The following IL1RAP variants were observed in gnomAD, a reference collection of about 807,000 sequenced individuals.
IL1RAP encodes the protein interleukin-1 receptor accessory protein.
Under a neutral mutation model 60.7 loss-of-function variants are expected in IL1RAP, and 35 were observed. The observed-to-expected ratio is 0.58, with a 90% CI of 0.44 to 0.76. The LOEUF is 0.76. Among genes scored for constraint, IL1RAP ranks in the 30% least tolerant of loss-of-function variants. The pLI, the probability that IL1RAP is intolerant of heterozygous loss-of-function variation, is 0.00. For missense variants in IL1RAP, 572 were observed against 693.9 expected (o/e 0.82, Z 1.97); for synonymous variants, 268 against 250.9 (o/e 1.07, Z -0.64).
intron 9 of IL1RAP, among the ~76,000 whole-genome samples, chr3:190,630,517 G>T (rs1732694839): frequency 6.6e-6 from 1 of 152,156 alleles, no homozygotes; most frequent in Admixed American, 6.5e-5. Context: ...GAGACTTAAT[G>T]CTTTTTTAAA....
At chr3:190,614,186 A>C (rs1004815180) in intron 5 of IL1RAP, among the ~76,000 whole-genome samples, 2 of 150,488 alleles carry the variant, frequency 1.3e-5, no homozygotes, top group Non-Finnish European at 3.0e-5. Flanking sequence ...ATCCTCATAG[A>C]CTTATTTGCA....
chr3:190,650,975 AT>A lies in IL1RAP; in HGVS notation c.*2271del. The A allele has an allele frequency of 3.0e-6, 3 of 985,306 alleles. No individual in the cohort carries two copies. The Middle Eastern group carries it at 1.6e-3, about 515-fold the overall frequency. The allele number at this position is 985,306 out of a possible 1,614,324, so 61.0% of individuals were successfully genotyped here. ...AAATACCTTGATGTTTTTTCTATTTATATGCCTGCCTTTGGTACTTAATTTT... is the reference window on the plus strand; with the variant it reads ...AAATACCTTGATGTTTTTTCTATTTAATGCCTGCCTTTGGTACTTAATTTT... On this transcript the variant is annotated 3_prime_UTR_variant, in exon 12 of 12. Transcript: ENST00000447382.
chr3:190,593,683 T>C (rs1729136501), intron 3 of IL1RAP, among the ~76,000 whole-genome samples: 1 of 152,100 alleles, frequency 6.6e-6, no homozygotes. Context: ...CGTATTCATA[T>C]TATGAGAACA....
intron 5 of IL1RAP, among the ~76,000 whole-genome samples, chr3:190,611,283 AATT>A (rs1234030693): frequency 1.3e-5 from 2 of 152,178 alleles, no homozygotes; most frequent in Non-Finnish European, 2.9e-5. Flanking sequence ...CATATTACCA[AATT>A]AATTAAACCT....
intron 1 of IL1RAP, among the ~76,000 whole-genome samples, chr3:190,517,166 G>A (rs1451808018): frequency 6.6e-6 from 1 of 152,124 alleles, no homozygotes; most frequent in Non-Finnish European, 1.5e-5. Context: ...TTAAAGCAAT[G>A]GTCTCTAAGA....
chr3:190,541,417 T>C (rs1415797450), intron 1 of IL1RAP, among the ~76,000 whole-genome samples: 1 of 152,170 alleles, frequency 6.6e-6, no homozygotes, highest in Admixed American at 6.5e-5. Flanking sequence ...ACAAGAATTA[T>C]GCTTCTTAGT....
rs780957007 is a variant in IL1RAP, at chr3:190,648,405, C to T, written c.1413C>T (p.Asn471=). The T allele has an allele frequency of 4.0e-5, 64 of 1,613,688 alleles. No homozygotes were observed. The highest frequency in any genetic ancestry group is 5.3e-5 in the Non-Finnish European group (62 of 1,179,918). ...GCCTCCTGGTTGTTCTAAGCCCCAA[C>T]TACGTGCTCCAGGGAACCCAAGCCC... The part of the protein sequence containing the change: ...SRRLLVVLSP[N]YVLQGTQALL... The change falls in exon 12 of 12, where the codon AAC becomes AAT. Residue 471 remains asparagine (N), a synonymous_variant. Coordinates refer to ENST00000447382, the MANE Select transcript of IL1RAP (RefSeq NM_002182.4).
chr3:190,647,080 C>T (rs1734065355), intron 11 of IL1RAP, among the ~76,000 whole-genome samples: 2 of 152,320 alleles, frequency 1.3e-5, no homozygotes, highest in South Asian at 4.1e-4. Context: ...CATAATTACT[C>T]TTGCATCTTG....
chr3:190,594,821 G>A (rs1176111178), intron 3 of IL1RAP, among the ~76,000 whole-genome samples: 1 of 152,166 alleles, frequency 6.6e-6, no homozygotes, highest in Non-Finnish European at 1.5e-5. Flanking sequence ...ACCAGTACAT[G>A]TATGGACATT....
chr3:190,637,830 A>G (rs1733343973), intron 9 of IL1RAP, among the ~76,000 whole-genome samples: 1 of 150,750 alleles, frequency 6.6e-6, no homozygotes, highest in Admixed American at 6.6e-5. Context: ...CTTTTTTAGA[A>G]TAGTTTTTTT....
intron 1 of IL1RAP, among the ~76,000 whole-genome samples, chr3:190,531,564 C>T (rs373364440): frequency 1.3e-5 from 2 of 152,318 alleles, no homozygotes; most frequent in East Asian, 3.9e-4. Flanking sequence ...CCGGCACATA[C>T]TCCTGAATGT....
intron 5 of IL1RAP, among the ~76,000 whole-genome samples, chr3:190,613,787 C>T (rs760222480): frequency 1.9e-4 from 29 of 151,678 alleles, no homozygotes; most frequent in Non-Finnish European, 2.4e-4. Context: ...GAGCTGAGAT[C>T]GTGCCACTGC....
rs1167445179 is a variant in IL1RAP, at chr3:190,634,707, G to GTTTTTTTTTTTTTTTTTTTTT, written c.1051+5220_1051+5221insTTTTTTTTTTTTTTTTTTTTT. Among the ~76,000 whole-genome samples, 36 of 134,694 alleles carry GTTTTTTTTTTTTTTTTTTTTT rather than the reference G, an allele frequency of 2.7e-4. 3 individuals carry two copies. Among genetic ancestry groups the GTTTTTTTTTTTTTTTTTTTTT allele is most frequent in the Middle Eastern group, 4.2e-3 (1 of 240 alleles). 88.4% of individuals were successfully genotyped at this position (134,694 alleles called of 152,430 possible). A position where few individuals can be genotyped will look rare whatever the true frequency, so the allele number is the denominator to read the frequency against. Reference sequence around the variant, plus strand: ...TCATATAACTATCTGGGCCTGTTGTGTTTTTTTTTTTGTTGTTGTTTTTTT... The same window carrying GTTTTTTTTTTTTTTTTTTTTT: ...TCATATAACTATCTGGGCCTGTTGTGTTTTTTTTTTTTTTTTTTTTTTTTTTTTTTTTGTTGTTGTTTTTTT... On this transcript the variant is annotated intron_variant, in intron 9 of 11. Transcript: ENST00000447382.
intron 3 of IL1RAP, among the ~76,000 whole-genome samples, chr3:190,576,839 C>T (rs942648101): frequency 3.9e-5 from 6 of 152,300 alleles, no homozygotes; most frequent in African/African-American, 1.2e-4. Context: ...AATGGCCGGG[C>T]GCGGTGGCTC....
intron 5 of IL1RAP, among the ~76,000 whole-genome samples, chr3:190,609,582 C>T (rs552096183): frequency 6.6e-6 from 1 of 151,862 alleles, no homozygotes; most frequent in Non-Finnish European, 1.5e-5. Flanking sequence ...TTTTCTTTGC[C>T]CTCATTTGTG....
exon 12 of IL1RAP, chr3:190,656,929 A>G (rs1214876769): frequency 4.9e-6 from 1 of 205,888 alleles, no homozygotes; most frequent in Non-Finnish European, 9.7e-6. Context: ...CTTTTCAGTG[A>G]GTTGATCAAC....
In IL1RAP at chr3:190,649,269, G is replaced by A; in HGVS notation, c.*564G>A. 6 of 985,726 alleles carry A rather than the reference G, an allele frequency of 6.1e-6. No homozygotes were observed. Among genetic ancestry groups the A allele is most frequent in the Non-Finnish European group, 7.2e-6 (6 of 829,890 alleles). The allele number at this position is 985,726 out of a possible 1,614,324, so 61.1% of individuals were successfully genotyped here. A position where few individuals can be genotyped will look rare whatever the true frequency, so the allele number is the denominator to read the frequency against. On this transcript the variant is annotated 3_prime_UTR_variant, in exon 12 of 12. Transcript: ENST00000447382. ...GATACAAAGCAGTGTAACTGAAAAT[G>A]TTTCTTTTAATTGATTTAAAGGACT...
At chr3:190,570,066 T>C (rs1560177139) in intron 3 of IL1RAP, among the ~76,000 whole-genome samples, 1 of 152,236 alleles carries the variant, frequency 6.6e-6, no homozygotes, top group Non-Finnish European at 1.5e-5. Flanking sequence ...TGATTAACTT[T>C]TTAGAAAATA....
At chr3:190,544,821 A>G (rs1048193623) in intron 1 of IL1RAP, among the ~76,000 whole-genome samples, 8 of 152,354 alleles carry the variant, frequency 5.3e-5, no homozygotes, top group East Asian at 3.9e-4. Flanking sequence ...CCTGTGGGAA[A>G]AGATAACTTT....
Sources: allele counts gnomAD v4.1 joint callset (sites outside exome capture counted in the v4.1 genomes callset), GRCh38; gene constraint gnomAD v4.1.1; transcripts MANE v1.5; gene names NCBI Gene and HGNC (gene_info 2026-07-23, HGNC 2026-07-21).